The following SEC14L2 variants were observed in gnomAD, a reference collection of about 807,000 sequenced individuals.
SEC14L2 encodes SEC14-like protein 2.
In SEC14L2, 50 loss-of-function variants were observed where a neutral mutation model predicts 56.9. The ratio of observed to expected loss-of-function variants is 0.88; its 90% CI spans 0.70 to 1.11. The LOEUF (loss-of-function observed/expected upper bound fraction) is 1.11. Ranked by LOEUF, SEC14L2 falls within the 50% of genes most tolerant of loss-of-function variation. SEC14L2 has a pLI of 0.00. For missense variants in SEC14L2, 414 were observed against 500.7 expected (o/e 0.83, Z 1.65); for synonymous variants, 179 against 188.5 (o/e 0.95, Z 0.41).
At chr22:30,419,324 G>T (rs1934458342) in intron 11 of SEC14L2, among the ~76,000 whole-genome samples, 1 of 152,212 alleles carries the variant, frequency 6.6e-6, no homozygotes. Flanking sequence ...GGTCAAGGTG[G>T]GTGGATCACT....
intron 1 of SEC14L2, chr22:30,398,573 T>C: frequency 2.5e-6 from 1 of 407,082 alleles, no homozygotes. Flanking sequence ...CTCCTTTGTT[T>C]GGCACTACCT....
intron 1 of SEC14L2, chr22:30,397,872 T>G (rs1469262319): frequency 2.1e-6 from 1 of 471,110 alleles, no homozygotes; most frequent in South Asian, 1.5e-5. Context: ...GGCAAGAAGG[T>G]GAGCCTGGCT....
At chr22:30,400,624 G>A (rs1478308424) in intron 2 of SEC14L2, among the ~76,000 whole-genome samples, 3 of 152,156 alleles carry the variant, frequency 2.0e-5, no homozygotes, top group African/African-American at 7.2e-5. Flanking sequence ...GCCAGGTGCG[G>A]TGGCTCACGC....
chr22:30,409,072 C>T (rs1243828619), intron 5 of SEC14L2, 115 bp from the exon 6 acceptor site: 2 of 940,748 alleles, frequency 2.1e-6, no homozygotes, highest in East Asian at 2.4e-5. Context: ...CTAGGTCCGG[C>T]CCTAACTAGC....
intron 5 of SEC14L2, among the ~76,000 whole-genome samples, chr22:30,408,322 G>A (rs1395373195): frequency 1.3e-5 from 2 of 152,102 alleles, no homozygotes; most frequent in African/African-American, 4.8e-5. Context: ...ATGGCTGGGT[G>A]TGGTGGCTCA....
chr22:30,399,768 A>T (rs778932783), intron 2 of SEC14L2, 50 bp downstream of exon 2: 2 of 1,523,848 alleles, frequency 1.3e-6, no homozygotes, highest in East Asian at 2.2e-5. Context: ...TGTTCTGGGC[A>T]ACAGAATAGC....
intron 8 of SEC14L2, among the ~76,000 whole-genome samples, chr22:30,412,346 G>C (rs1351551058): frequency 6.6e-6 from 1 of 151,804 alleles, no homozygotes; most frequent in African/African-American, 2.4e-5. Context: ...TTCCCAGAGA[G>C]GCCAAAAGAC....
rs1371004568 is a variant in SEC14L2, at chr22:30,424,975, C to T, written c.*2568C>T. On this transcript the variant is annotated 3_prime_UTR_variant, in exon 12 of 12. Coordinates refer to ENST00000615189, the MANE Select transcript of SEC14L2 (RefSeq NM_012429.5). ...CTGATCCAGTTAAATGCGAGTGCTT[C>T]CTAGTTATACATGGCGACTGCTGAG... 1 of 379,156 alleles carries T rather than the reference C, an allele frequency of 2.6e-6. No homozygotes were observed. The highest frequency in any genetic ancestry group is 5.3e-6 in the Non-Finnish European group (1 of 189,354). 23.5% of individuals were successfully genotyped at this position (379,156 alleles called of 1,614,324 possible). A position where few individuals can be genotyped will look rare whatever the true frequency, so the allele number is the denominator to read the frequency against.
chr22:30,415,681 G>C (rs901972283), intron 8 of SEC14L2, 78 bp from the exon 9 acceptor site: 1 of 1,293,310 alleles, frequency 7.7e-7, no homozygotes, highest in Non-Finnish European at 1.1e-6. Flanking sequence ...TGCCTCTTTA[G>C]TGTAGACCAC....
chr22:30,412,298 C>T (rs370264623), intron 8 of SEC14L2, among the ~76,000 whole-genome samples: 15 of 152,178 alleles, frequency 9.9e-5, no homozygotes, highest in African/African-American at 3.6e-4. Context: ...TGGCACATAC[C>T]AGCTACTAGG....
chr22:30,399,537 A>AT, intron 1 of SEC14L2, 106 bp from the exon 2 acceptor site: 1 of 519,758 alleles, frequency 1.9e-6, no homozygotes, highest in Non-Finnish European at 3.2e-6. Flanking sequence ...AAAAAAAAAA[A>AT]GAAACAAAGA....
At position 30,424,787 on chromosome 22, in the gene SEC14L2, T is replaced by G. The variant is rs1934624407; in HGVS notation, c.*2380T>G. The stretch of plus-strand genomic sequence containing the variant: ...CCGCCAAGGAGTCACAGAGACTTAG[T>G]GAAGTGCACACATTGCTCACCTGGG... On this transcript the variant is annotated 3_prime_UTR_variant, in exon 12 of 12. Coordinates refer to ENST00000615189, the MANE Select transcript of SEC14L2 (RefSeq NM_012429.5). 1 of 456,412 alleles carries G rather than the reference T, an allele frequency of 2.2e-6. No homozygotes were observed. Among genetic ancestry groups the G allele is most frequent in the Admixed American group, 2.4e-5 (1 of 42,552 alleles). 28.3% of individuals were successfully genotyped at this position (456,412 alleles called of 1,614,324 possible). A position where few individuals can be genotyped will look rare whatever the true frequency, so the allele number is the denominator to read the frequency against.
chr22:30,397,506 G>T, intron 1 of SEC14L2: 1 of 345,852 alleles, frequency 2.9e-6, no homozygotes, highest in Non-Finnish European at 5.3e-6. Context: ...CCCTGGGGCA[G>T]GGGCAGGGGC....
chr22:30,422,133 G>A, intron 11 of SEC14L2, 144 bp from the exon 12 acceptor site: 1 of 1,019,478 alleles, frequency 9.8e-7, no homozygotes, highest in Non-Finnish European at 1.4e-6. Context: ...GTTTCAGAAG[G>A]TCAAGGATCA....
At chr22:30,415,188 T>G (rs542723529) in intron 8 of SEC14L2, among the ~76,000 whole-genome samples, 23 of 152,246 alleles carry the variant, frequency 1.5e-4, no homozygotes, top group African/African-American at 5.3e-4. Flanking sequence ...TCCCAGCACT[T>G]TGGGAGGCCG....
chr22:30,401,278 C>T (rs1166783567), intron 2 of SEC14L2, among the ~76,000 whole-genome samples: 2 of 151,174 alleles, frequency 1.3e-5, no homozygotes, highest in South Asian at 2.1e-4. Context: ...GGTGCAGTCT[C>T]GGCTCACTGC....
At chr22:30,406,244 G>C (rs1057264814) in intron 2 of SEC14L2, 98 bp from the exon 3 acceptor site, 1 of 1,148,926 alleles carries the variant, frequency 8.7e-7, no homozygotes, top group Non-Finnish European at 1.3e-6. Flanking sequence ...AGATGACTGA[G>C]AGGAACTGGC....
chr22:30,406,762 T>C (rs1298735672), intron 3 of SEC14L2, among the ~76,000 whole-genome samples: 1 of 152,180 alleles, frequency 6.6e-6, no homozygotes, highest in Admixed American at 6.5e-5. Context: ...TATTTTTTTC[T>C]TTTTGGAGAC....
chr22:30,421,214 C>T (rs562299235), intron 11 of SEC14L2: 3 of 152,276 alleles, frequency 2.0e-5, no homozygotes, highest in African/African-American at 7.2e-5. Context: ...AATTGTCTGT[C>T]ATTCACTGTA....
Sources: gnomAD v4.1 joint callset for allele counts (sites outside exome capture counted in the v4.1 genomes callset) on GRCh38, gnomAD v4.1.1 for gene constraint, MANE v1.5 for transcripts, NCBI Gene and HGNC (gene_info 2026-07-23, HGNC 2026-07-21) for gene names.